Variants in MAF observed in about 807,000 individuals in gnomAD.
MAF encodes MAF bZIP transcription factor.
A neutral mutation model predicts 22.0 loss-of-function variants in MAF; 10 were observed. The ratio of observed to expected loss-of-function variants is 0.45; its 90% CI spans 0.28 to 0.77. The LOEUF (loss-of-function observed/expected upper bound fraction) is 0.77. Among genes scored for constraint, MAF ranks in the 30% least tolerant of loss-of-function variants. The pLI, the probability that MAF is intolerant of heterozygous loss-of-function variation, is 0.12. For synonymous variants in MAF, 337 were observed against 255.8 expected, an observed-to-expected ratio of 1.32 and a Z score of -3.03; for missense variants, 544 against 548.4, an observed-to-expected ratio of 0.99 and a Z score of 0.08.
chr16:79,350,576 C>T, the MAF span, among the ~76,000 whole-genome samples: 1 of 152,178 alleles, frequency 6.6e-6, no homozygotes, highest in Non-Finnish European at 1.5e-5. Context: ...TGATATGCAT[C>T]CCTCCAGGCC....
chr16:79,264,438 C>T, the MAF span: 2 of 152,178 alleles, frequency 1.3e-5, no homozygotes, highest in South Asian at 2.1e-4. Context: ...AAGCCTTGCC[C>T]TGAGAACACA....
the MAF span, among the ~76,000 whole-genome samples, chr16:79,482,856 CT>C: frequency 5.1e-5 from 6 of 116,646 alleles, no homozygotes; most frequent in Non-Finnish European, 9.0e-5. Context: ...CTCCCCTCCC[CT>C]CCCTCCCTCC....
At chr16:79,475,362 A>ATG in the MAF span, among the ~76,000 whole-genome samples, 26,600 of 148,714 alleles carry the variant, frequency 0.18, 2,733 homozygotes, top group South Asian at 0.28. Flanking sequence ...ATGTATATAT[A>ATG]TGTGTGTGTG....
chr16:79,412,280 C>T, the MAF span, among the ~76,000 whole-genome samples: 2 of 152,108 alleles, frequency 1.3e-5, no homozygotes, highest in East Asian at 3.9e-4. Context: ...CCAGTTGACA[C>T]CCTAGAGGGT....
At chr16:79,562,286 A>G in the MAF span, among the ~76,000 whole-genome samples, 2 of 152,204 alleles carry the variant, frequency 1.3e-5, no homozygotes, top group Non-Finnish European at 2.9e-5. Context: ...GTGAAGCAGT[A>G]CAAAGACATG....
At chr16:79,533,694 C>G in the MAF span, among the ~76,000 whole-genome samples, 1 of 152,126 alleles carries the variant, frequency 6.6e-6, no homozygotes, top group Non-Finnish European at 1.5e-5. Flanking sequence ...AGATCCATTC[C>G]TGACTTCCCG....
At chr16:79,360,943 C>A in the MAF span, among the ~76,000 whole-genome samples, 1 of 152,074 alleles carries the variant, frequency 6.6e-6, no homozygotes, top group African/African-American at 2.4e-5. Flanking sequence ...AGCTGGAAGT[C>A]GGCCATGGTA....
At chr16:79,519,994 C>T in the MAF span, among the ~76,000 whole-genome samples, 1 of 152,134 alleles carries the variant, frequency 6.6e-6, no homozygotes, top group South Asian at 2.1e-4. Flanking sequence ...TGGAGTTGGG[C>T]AGGAGGGGAT....
At chr16:79,207,066 C>T in the MAF span, among the ~76,000 whole-genome samples, 1 of 152,120 alleles carries the variant, frequency 6.6e-6, no homozygotes, top group Non-Finnish European at 1.5e-5. Flanking sequence ...TATAGCCTCT[C>T]CTGGGGGAGT....
chr16:79,548,482 G>C, the MAF span, among the ~76,000 whole-genome samples: 1 of 152,104 alleles, frequency 6.6e-6, no homozygotes, highest in South Asian at 2.1e-4. Context: ...TGGTTAGTTG[G>C]TCTTCAATCT....
chr16:79,434,843 G>C, the MAF span, among the ~76,000 whole-genome samples: 1 of 152,126 alleles, frequency 6.6e-6, no homozygotes, highest in Admixed American at 6.6e-5. Context: ...CCTGTTCACA[G>C]AGCTCAGCTT....
chr16:79,583,189 G>A (rs191700371), downstream of MAF, among the ~76,000 whole-genome samples: 1 of 152,298 alleles, frequency 6.6e-6, no homozygotes, highest in Non-Finnish European at 1.5e-5. Context: ...GGACAGGCGT[G>A]CAAGATAGAA....
chr16:79,456,247 C>A, the MAF span, among the ~76,000 whole-genome samples: 1 of 152,084 alleles, frequency 6.6e-6, no homozygotes, highest in South Asian at 2.1e-4. Context: ...AACTTCCCCA[C>A]AGGATTTATG....
chr16:79,597,377 A>C, intron 1 of MAF: 1 of 1,036,114 alleles, frequency 9.7e-7, no homozygotes, highest in East Asian at 5.9e-5. Context: ...AATAAAAATA[A>C]AACAAACCAA....
At chr16:79,579,952 T>C in the MAF span, among the ~76,000 whole-genome samples, 1 of 152,010 alleles carries the variant, frequency 6.6e-6, no homozygotes, top group African/African-American at 2.4e-5. Flanking sequence ...CTTGAGAAAA[T>C]AAAATTTCTC....
At chr16:79,467,180 T>G in the MAF span, among the ~76,000 whole-genome samples, 1 of 152,186 alleles carries the variant, frequency 6.6e-6, no homozygotes, top group Non-Finnish European at 1.5e-5. Context: ...CATCATTCCC[T>G]TCTTACTTGT....
At chr16:79,412,973 G>A in the MAF span, among the ~76,000 whole-genome samples, 7 of 152,184 alleles carry the variant, frequency 4.6e-5, no homozygotes, top group African/African-American at 1.7e-4. Flanking sequence ...GTTAAAGCAG[G>A]AAGTCCTTAC....
At chr16:79,554,420 G>T in the MAF span, among the ~76,000 whole-genome samples, 26,632 of 152,146 alleles carry the variant, frequency 0.18, 2,889 homozygotes, top group Non-Finnish European at 0.25. Context: ...CAGAGATGCT[G>T]AGACAGAGGA....
chr16:79,350,622 C>T, the MAF span, among the ~76,000 whole-genome samples: 4 of 152,288 alleles, frequency 2.6e-5, no homozygotes, highest in East Asian at 7.7e-4. Flanking sequence ...TTTCTCTGTC[C>T]TTCCCAGCCA....
Sources: allele counts gnomAD v4.1 joint callset (sites outside exome capture counted in the v4.1 genomes callset), GRCh38; gene constraint gnomAD v4.1.1; transcripts MANE v1.5; gene names NCBI Gene and HGNC (gene_info 2026-07-23, HGNC 2026-07-21).